Variants in TANC2 observed in about 807,000 individuals in gnomAD.
The protein encoded by TANC2 is tetratricopeptide repeat, ankyrin repeat and coiled-coil containing 2.
A neutral mutation model predicts 210.5 loss-of-function variants in TANC2; 26 were observed. That is an observed-to-expected ratio of 0.12 (90% confidence interval 0.09 to 0.17). The LOEUF (loss-of-function observed/expected upper bound fraction) is 0.17, where lower values mean the gene tolerates loss of function less well. TANC2 is among the 10% of genes least tolerant of loss of function. The pLI, the probability that TANC2 is intolerant of heterozygous loss-of-function variation, is 1.00. For missense variants in TANC2, 2,129 were observed against 2,608.9 expected, an observed-to-expected ratio of 0.82 and a Z score of 4.01; for synonymous variants, 931 against 967.1, an observed-to-expected ratio of 0.96 and a Z score of 0.69.
chr17:63,336,148 A>C (rs556443016), intron 11 of TANC2, among the ~76,000 whole-genome samples: 5 of 152,192 alleles, frequency 3.3e-5, no homozygotes, highest in Admixed American at 2.0e-4. Flanking sequence ...TTAAAAATCA[A>C]ACTTTAGAGT....
chr17:63,316,773 A>T (rs1417047934), intron 10 of TANC2, among the ~76,000 whole-genome samples: 1 of 152,192 alleles, frequency 6.6e-6, no homozygotes, highest in Admixed American at 6.5e-5. Context: ...CATCTTAACC[A>T]ATAGAAGGGT....
chr17:63,092,410 A>C (rs1274507818), intron 3 of TANC2, among the ~76,000 whole-genome samples: 1 of 151,292 alleles, frequency 6.6e-6, no homozygotes, highest in Non-Finnish European at 1.5e-5. Flanking sequence ...CCATTTTACT[A>C]GGTGTGTAGT....
At chr17:63,147,822 A>G (rs2039515167) in intron 4 of TANC2, among the ~76,000 whole-genome samples, 1 of 152,186 alleles carries the variant, frequency 6.6e-6, no homozygotes, top group African/African-American at 2.4e-5. Flanking sequence ...TCCCTTCTCA[A>G]TTAAAAAATA....
chr17:63,256,301 C>G (rs956203507), intron 8 of TANC2, among the ~76,000 whole-genome samples: 2 of 152,100 alleles, frequency 1.3e-5, no homozygotes, highest in African/African-American at 2.4e-5. Context: ...AGTTCTGTTT[C>G]CATTTTAATT....
chr17:63,046,231 C>T (rs1325628464), intron 2 of TANC2, among the ~76,000 whole-genome samples: 1 of 148,360 alleles, frequency 6.7e-6, no homozygotes, highest in African/African-American at 2.5e-5. Context: ...GCGATCTCGG[C>T]TCACTGCAAC....
intron 14 of TANC2, among the ~76,000 whole-genome samples, chr17:63,366,782 G>A (rs1260444684): frequency 6.6e-6 from 1 of 152,130 alleles, no homozygotes; most frequent in African/African-American, 2.4e-5. Context: ...AACAGCACAA[G>A]GGAACCAGAA....
chr17:63,422,584 T>C (rs749451353), exon 28 of TANC2: 2 of 152,278 alleles, frequency 1.3e-5, no homozygotes, highest in Non-Finnish European at 2.9e-5. Flanking sequence ...AATATAATTA[T>C]GTAAAATGTC....
rs1555641202 is a variant in TANC2 at position 63,358,374 on chromosome 17, A to ATGTGTGTGT, written c.2582+2984_2582+2985insTGTGTGTGT. ...GAGTGAGAGAGAGAGAGAGAGAGAG[A>ATGTGTGTGT]GAGTATGTGTGTGTGTGTGTGTGTG... On this transcript the variant is annotated intron_variant, in intron 14 of 27. Transcript: ENST00000689528. 2.1e-3 allele frequency among the ~76,000 whole-genome samples: 199 copies of ATGTGTGTGT among 94,718 alleles called. 1 individual carries two copies. The highest frequency in any genetic ancestry group is 7.7e-3 in the African/African-American group (190 of 24,712). 62.1% of individuals were successfully genotyped at this position (94,718 alleles called of 152,430 possible). A position where few individuals can be genotyped will look rare whatever the true frequency, so the allele number is the denominator to read the frequency against.
intron 8 of TANC2, among the ~76,000 whole-genome samples, chr17:63,262,151 A>G (rs1246616289): frequency 6.6e-6 from 1 of 152,182 alleles, no homozygotes; most frequent in East Asian, 1.9e-4. Flanking sequence ...CATAGCTGCT[A>G]TAGTCGTCAT....
exon 28 of TANC2, chr17:63,426,752 C>T (rs746203365): frequency 1.3e-5 from 2 of 152,352 alleles, no homozygotes; most frequent in East Asian, 1.9e-4. Flanking sequence ...AGGCCAGCGC[C>T]GCGCTCATTT....
At chr17:63,261,818 C>T (rs777682551) in intron 8 of TANC2, among the ~76,000 whole-genome samples, 3 of 152,196 alleles carry the variant, frequency 2.0e-5, no homozygotes, top group Non-Finnish European at 4.4e-5. Flanking sequence ...ATTTTCAGCA[C>T]AACAAACTCT....
At chr17:63,321,152 T>G (rs1181467982) in intron 11 of TANC2, among the ~76,000 whole-genome samples, 1 of 151,882 alleles carries the variant, frequency 6.6e-6, no homozygotes, top group Non-Finnish European at 1.5e-5. Context: ...TAGCCAAGAT[T>G]GCGCCACTGC....
chr17:63,257,077 T>G (rs1300622504), intron 8 of TANC2, among the ~76,000 whole-genome samples: 1 of 149,238 alleles, frequency 6.7e-6, no homozygotes, highest in Non-Finnish European at 1.5e-5. Context: ...GGTTGGTATT[T>G]TTTTTTTTTT....
intron 9 of TANC2, among the ~76,000 whole-genome samples, chr17:63,304,935 G>A (rs1364736627): frequency 6.6e-6 from 1 of 152,204 alleles, no homozygotes; most frequent in Non-Finnish European, 1.5e-5. Context: ...CCTTGCTCCG[G>A]CAGGGGAAAG....
chr17:63,388,256 A>T (rs991183614), intron 15 of TANC2, among the ~76,000 whole-genome samples: 1 of 152,264 alleles, frequency 6.6e-6, no homozygotes, highest in African/African-American at 2.4e-5. Context: ...CCAAATGTTC[A>T]GGAAGAAAAT....
At position 63,420,138 on chromosome 17, in the gene TANC2, C is replaced by G. The variant is rs2048978710; in HGVS notation, c.4408C>G (p.Gln1470Glu). The change falls in exon 28 of 28, where the codon CAG (glutamine) becomes GAG (glutamate). Residue 1470 changes from glutamine to glutamate, a missense_variant. By Grantham distance (29) the Gln-to-Glu change is conservative. Around this residue, in one of 5 missense-constraint regions of TANC2, gnomAD observed 584 missense variants for 627.3 expected, o/e 0.93. Transcript: ENST00000689528. The surrounding 1 kb of genome is among the most constrained non-coding windows in gnomAD (Gnocchi z 4.2). ...GCCACAGCAGCCACCGCCGCCACCGCAGCCTCAGCAGCAGTTGCCGGAAGA... is the reference window on the plus strand; with the variant it reads ...GCCACAGCAGCCACCGCCGCCACCGGAGCCTCAGCAGCAGTTGCCGGAAGA... 1 of 1,556,798 alleles carries G rather than the reference C, an allele frequency of 6.4e-7. No individual in the cohort carries two copies. Among genetic ancestry groups the G allele is most frequent in the Non-Finnish European group, 8.7e-7 (1 of 1,149,746 alleles).
At chr17:63,223,746 C>A (rs780029003) in intron 7 of TANC2, among the ~76,000 whole-genome samples, 7 of 151,930 alleles carry the variant, frequency 4.6e-5, no homozygotes, top group Non-Finnish European at 8.8e-5. Flanking sequence ...TCTTTAATAA[C>A]GAGCAGTGAG....
intron 26 of TANC2, among the ~76,000 whole-genome samples, chr17:63,417,542 TTTTTAA>T (rs2048902014): frequency 6.6e-6 from 1 of 152,120 alleles, no homozygotes; most frequent in Non-Finnish European, 1.5e-5. Context: ...TTTTGTTTTA[TTTTTAA>T]TTTTAAGTGT....
chr17:63,271,950 T>A (rs1052775239), intron 9 of TANC2, among the ~76,000 whole-genome samples: 1 of 152,208 alleles, frequency 6.6e-6, no homozygotes, highest in Non-Finnish European at 1.5e-5. Context: ...GCTCTTTAGT[T>A]TAATTGGATC....
Sources: allele counts gnomAD v4.1 joint callset (sites outside exome capture counted in the v4.1 genomes callset), GRCh38; gene constraint gnomAD v4.1.1; regional missense constraint gnomAD v4.1.1; non-coding constraint Gnocchi (gnomAD v3.1); transcripts MANE v1.5; gene names NCBI Gene and HGNC (gene_info 2026-07-23, HGNC 2026-07-21).